FRMD3: variants seen among roughly 807,000 people sequenced by gnomAD.
FRMD3 encodes the protein FERM domain-containing protein 3.
FRMD3 carries 33 observed loss-of-function variants against 70.2 expected under a neutral mutation model. The ratio of observed to expected loss-of-function variants is 0.47; its 90% CI spans 0.36 to 0.63. FRMD3 has a LOEUF of 0.63. Among genes scored for constraint, FRMD3 ranks in the 20% least tolerant of loss-of-function variants. FRMD3 has a pLI of 0.00. For missense variants in FRMD3, 632 were observed against 711.4 expected (o/e 0.89, Z 1.27); for synonymous variants, 279 against 255.9 (o/e 1.09, Z -0.86).
At chr9:83,335,332 A>C (rs1006517624) in intron 6 of FRMD3, among the ~76,000 whole-genome samples, 184 bp downstream of exon 6, 2 of 152,234 alleles carry the variant, frequency 1.3e-5, no homozygotes, top group Non-Finnish European at 2.9e-5. Flanking sequence ...CAAACTGTTG[A>C]GATTGTTATT....
intron 6 of FRMD3, among the ~76,000 whole-genome samples, chr9:83,325,492 T>C (rs2131103967): frequency 6.6e-6 from 1 of 151,882 alleles, no homozygotes; most frequent in Non-Finnish European, 1.5e-5. Context: ...ATCTGGCTAA[T>C]TTTTGTATTT....
the FRMD3 span, among the ~76,000 whole-genome samples, chr9:83,572,807 A>G: frequency 6.6e-6 from 1 of 152,158 alleles, no homozygotes; most frequent in African/African-American, 2.4e-5. Flanking sequence ...AAAGCCAGAG[A>G]TTTGGCTTGT....
intron 1 of FRMD3, among the ~76,000 whole-genome samples, chr9:83,523,130 ATGTT>A (rs1189221822): frequency 6.6e-6 from 1 of 151,942 alleles, no homozygotes; most frequent in East Asian, 1.9e-4. Context: ...TATTCAATAA[ATGTT>A]TGTTTGGTGA....
intron 1 of FRMD3, among the ~76,000 whole-genome samples, chr9:83,508,009 T>A (rs1316039249): frequency 1.3e-5 from 2 of 151,968 alleles, no homozygotes; most frequent in African/African-American, 4.8e-5. Flanking sequence ...GCTACAACGG[T>A]ACAGTGTCCT....
At chr9:83,440,910 CA>C (rs55783336) in intron 1 of FRMD3, among the ~76,000 whole-genome samples, 8,530 of 152,290 alleles carry the variant, frequency 0.056, 338 homozygotes, top group South Asian at 0.2. Flanking sequence ...CCTTCAGGCA[CA>C]GGACGGAATT....
rs1291320341 is a variant in FRMD3, at chr9:83,246,120, G to A, written c.*1798C>T. On this transcript the variant is annotated 3_prime_UTR_variant, in exon 14 of 14. Coordinates refer to ENST00000304195, the MANE Select transcript of FRMD3 (RefSeq NM_174938.6). ...CCAGTGAAGTACTCAGAGCTCCACT[G>A]AGTGAGTGGAAATGTATTGCCCAAT... The A allele has an allele frequency of 2.5e-5, 25 of 984,182 alleles. No individual in the cohort carries two copies. Among genetic ancestry groups the A allele is most frequent in the Non-Finnish European group, 2.8e-5 (23 of 828,974 alleles). The allele number at this position is 984,182 out of a possible 1,614,324, so 61.0% of individuals were successfully genotyped here. A position where few individuals can be genotyped will look rare whatever the true frequency, so the allele number is the denominator to read the frequency against.
At chr9:83,578,680 T>G in the FRMD3 span, among the ~76,000 whole-genome samples, 1 of 151,712 alleles carries the variant, frequency 6.6e-6, no homozygotes, top group Non-Finnish European at 1.5e-5. Context: ...AGAAATGGAC[T>G]TCAACACAAT....
intron 2 of FRMD3, among the ~76,000 whole-genome samples, chr9:83,383,127 C>G (rs969356925): frequency 6.6e-6 from 1 of 152,198 alleles, no homozygotes; most frequent in Non-Finnish European, 1.5e-5. Context: ...CCTTCCAGCC[C>G]TCTGCATCAA....
chr9:83,281,907 C>T lies in FRMD3; in HGVS notation c.1195+8696G>A, dbSNP rs748557052. ...CCTTGCACCCTGTCCCGTATACACA[C>T]GAGCTCTTCTCATTGAACCACAGAG... On this transcript the variant is annotated intron_variant, in intron 13 of 13. Transcript: ENST00000304195. 5.3e-5 allele frequency among the ~76,000 whole-genome samples: 8 copies of T among 152,292 alleles called. No homozygotes were observed. In the East Asian group the frequency reaches 5.8e-4, roughly 11 times the overall value.
upstream of FRMD3, among the ~76,000 whole-genome samples, chr9:83,539,575 T>C (rs962774664): frequency 2.0e-5 from 3 of 152,158 alleles, no homozygotes; most frequent in Non-Finnish European, 4.4e-5. Context: ...TGCCCTGTCC[T>C]GGGGGTCGAG....
chr9:83,399,457 A>G (rs940482986), intron 1 of FRMD3, among the ~76,000 whole-genome samples: 4 of 151,164 alleles, frequency 2.6e-5, no homozygotes, highest in African/African-American at 9.7e-5. Flanking sequence ...AGTTTTTGCC[A>G]CAGCCTGTGC....
the FRMD3 span, among the ~76,000 whole-genome samples, chr9:83,551,131 T>C: frequency 8.5e-4 from 130 of 152,114 alleles, no homozygotes; most frequent in Middle Eastern, 3.4e-3. Flanking sequence ...GATGGATCTA[T>C]TTTTCTGGGG....
chr9:83,312,295 T>C (rs1209250816), intron 7 of FRMD3, among the ~76,000 whole-genome samples: 1 of 152,250 alleles, frequency 6.6e-6, no homozygotes, highest in African/African-American at 2.4e-5. Context: ...GTTCTAGGTC[T>C]GCTTTGTAAT....
chr9:83,364,507 G>C (rs1824724930), intron 3 of FRMD3, among the ~76,000 whole-genome samples: 1 of 149,666 alleles, frequency 6.7e-6, no homozygotes, highest in South Asian at 2.1e-4. Context: ...AGTGAGCCAA[G>C]ATCACACCAC....
intron 3 of FRMD3, among the ~76,000 whole-genome samples, chr9:83,366,309 G>A (rs141313137): frequency 6.6e-6 from 1 of 152,098 alleles, no homozygotes; most frequent in East Asian, 1.9e-4. Context: ...TGTGGCTCTC[G>A]CCTGTAATCC....
Position 83,272,127 on chromosome 9 carries a change from C to T in FRMD3, c.1195+18476G>A, listed in dbSNP as rs1049781446. Among the ~76,000 whole-genome samples the T allele has an allele frequency of 8.6e-5, 13 of 151,890 alleles. No individual in the cohort carries two copies. The East Asian group carries it at 2.3e-3, about 27-fold the overall frequency. ...CCCTCTCTCTCCTCTGTCTCCCTCT[C>T]TCTCCACGGTCTCCCTCTGATGCCT... On this transcript the variant is annotated intron_variant, in intron 13 of 13. Coordinates refer to ENST00000304195, the MANE Select transcript of FRMD3 (RefSeq NM_174938.6).
chr9:83,270,843 AT>A (rs36067089), intron 13 of FRMD3, among the ~76,000 whole-genome samples: 11,025 of 143,408 alleles, frequency 0.077, 495 homozygotes, highest in African/African-American at 0.13. Context: ...ATACATGGTC[AT>A]TTTTTTTTTT....
At chr9:83,324,514 T>C (rs546500774) in intron 6 of FRMD3, among the ~76,000 whole-genome samples, 1 of 152,210 alleles carries the variant, frequency 6.6e-6, no homozygotes, top group Non-Finnish European at 1.5e-5. Flanking sequence ...ATACATTTTG[T>C]AATGATGAAA....
chr9:83,296,670 A>G (rs904499007), intron 12 of FRMD3, among the ~76,000 whole-genome samples: 6 of 152,184 alleles, frequency 3.9e-5, no homozygotes, highest in Non-Finnish European at 8.8e-5. Context: ...AAGGGCCCCC[A>G]GGTCCTTGTT....
Sources: allele counts gnomAD v4.1 joint callset (sites outside exome capture counted in the v4.1 genomes callset), GRCh38; gene constraint gnomAD v4.1.1; transcripts MANE v1.5; gene names NCBI Gene and HGNC (gene_info 2026-07-23, HGNC 2026-07-21).